Variants in OBSL1 observed in about 807,000 individuals in gnomAD.
OBSL1 encodes obscurin like cytoskeletal adaptor 1, also known as obscurin-like protein 1.
In OBSL1, 160 loss-of-function variants were observed where a neutral mutation model predicts 172.0. That is an observed-to-expected ratio of 0.93 (90% CI 0.82 to 1.06). OBSL1 has a LOEUF of 1.06. Among genes scored for constraint, OBSL1 ranks in the 50% least tolerant of loss-of-function variants. OBSL1 has a pLI of 0.00. For synonymous variants in OBSL1, 1,200 were observed against 1,196.3 expected (o/e 1.00, Z -0.06); for missense variants, 2,681 against 2,715.4 (o/e 0.99, Z 0.28).
chr2:219,548,148 T>A (rs1574506331), downstream of OBSL1: 1 of 1,379,432 alleles, frequency 7.2e-7, no homozygotes, highest in East Asian at 2.5e-5. Context: ...GGGGGCCAAG[T>A]GACTGGGGAG....
At chr2:219,551,308 G>C (rs1695594584) in intron 20 of OBSL1, 27 of 1,412,622 alleles carry the variant, frequency 1.9e-5, no homozygotes, top group Non-Finnish European at 2.5e-5. Context: ...GGCGTAGAAA[G>C]GTGGGAACAG....
intron 6 of OBSL1, among the ~76,000 whole-genome samples, chr2:219,564,090 CAGGCAGGG>C (rs1447808236): frequency 6.6e-6 from 1 of 152,202 alleles, no homozygotes; most frequent in Non-Finnish European, 1.5e-5. Flanking sequence ...TGGGTGCATT[CAGGCAGGG>C]GCCACAGTGT....
chr2:219,570,858 C>T lies in OBSL1; in HGVS notation c.375G>A (p.Glu125=), dbSNP rs374656370. The change falls in exon 1 of 21, where the codon GAG becomes GAA. Residue 125 remains glutamate, a synonymous_variant. Transcript: ENST00000404537. ...GCCCCGTGAGGAAGACCGGGGCGCC[C>T]TCCCCGGACCCCGGCGATGGCAGCG... ...ERPLPSPGSG[E]GAPVFLTGPR... is the part of the protein sequence containing the mutation. 455 of 1,413,566 alleles carry T rather than the reference C, an allele frequency of 3.2e-4. 7 individuals carry two copies. The African/African-American group carries it at 6.0e-3, about 19-fold the overall frequency. The allele number at this position is 1,413,566 out of a possible 1,614,324, so 87.6% of individuals were successfully genotyped here.
intron 14 of OBSL1, chr2:219,555,701 A>C: frequency 1.7e-6 from 2 of 1,156,542 alleles, no homozygotes; most frequent in Non-Finnish European, 1.1e-6. Flanking sequence ...CATCCCTGCT[A>C]CTTAAGTGGG....
rs1553529523 is a variant in OBSL1 at position 219,552,596 on chromosome 2, G to A, written c.5248C>T (p.Arg1750Cys). 1.3e-6 allele frequency: 2 copies of A among 1,584,100 alleles called. No homozygotes were observed. Among genetic ancestry groups the A allele is most frequent in the Non-Finnish European group, 8.5e-7 (1 of 1,171,622 alleles). ...CTVSEVETTG[R>C]WELGGRPLRP... The stretch of plus-strand genomic sequence containing the variant: ...AGCGGGCGGCCTCCGAGCTCCCAGC[G>A]CCCCGTGGTCTCGACCTCCGACACG... Residue 1750 changes from arginine (R) to cysteine (C), a missense_variant, in exon 18 of 21, where the codon CGC becomes TGC. Arg to Cys is a radical substitution (Grantham distance 180, BLOSUM62 -3). This residue lies in a region of OBSL1 where 1,765 missense variants were observed against 1,748.3 expected (regional missense o/e 1.01). Coordinates refer to ENST00000404537, the MANE Select transcript of OBSL1 (RefSeq NM_015311.3).
In OBSL1 at chr2:219,565,278, C is replaced by G; in HGVS notation, c.2371G>C (p.Glu791Gln). Residue 791 changes from glutamate (E) to glutamine (Q), a missense_variant, in exon 6 of 21, where the codon GAA becomes CAA. Transcript: ENST00000404537. ...QDSGEFECRT[E>Q]GVSAFFGVTV... The stretch of plus-strand genomic sequence containing the variant: ...ACGCCGAAGAAGGCCGAGACCCCTT[C>G]TGTCCTGCACTCAAACTCGCCACTG... 5 of 1,613,842 alleles carry G rather than the reference C, an allele frequency of 3.1e-6. No homozygotes were observed. Among genetic ancestry groups the G allele is most frequent in the Non-Finnish European group, 4.2e-6 (5 of 1,179,786 alleles).
Position 219,571,505 on chromosome 2 carries a change from A to G in OBSL1, c.-273T>C. 1 of 259,470 alleles carries G rather than the reference A, an allele frequency of 3.9e-6. No individual in the cohort carries two copies. Among genetic ancestry groups the G allele is most frequent in the Non-Finnish European group, 7.3e-6 (1 of 137,584 alleles). 16.1% of individuals were successfully genotyped at this position (259,470 alleles called of 1,614,324 possible). ...TTGCCTCTCCAGCGAGTGGCCCCGCAGCCTCCCCTGCCCGCTGCCTGGCTT... is the reference window on the plus strand; with the variant it reads ...TTGCCTCTCCAGCGAGTGGCCCCGCGGCCTCCCCTGCCCGCTGCCTGGCTT... On this transcript the variant is annotated 5_prime_UTR_variant, in exon 1 of 21. Coordinates refer to ENST00000404537, the MANE Select transcript of OBSL1 (RefSeq NM_015311.3).
rs1383420677 is a variant in OBSL1, at chr2:219,556,126, A to G, written c.4503T>C (p.Asp1501=). Residue 1501 remains aspartate (D), a synonymous_variant, in exon 14 of 21, where the codon GAT becomes GAC. Transcript: ENST00000404537. The part of the protein sequence containing the change: ...PHDSRLSMAQ[D]GHIHRLFIHG... ...GGATGAAGAGGCGGTGGATGTGCCC[A>G]TCCTGGGCCATGGACAGGCGAGAGT... 19 of 1,613,796 alleles carry G rather than the reference A, an allele frequency of 1.2e-5. No individual in the cohort carries two copies. Among genetic ancestry groups the G allele is most frequent in the African/African-American group, 6.7e-5 (5 of 74,922 alleles).
At chr2:219,557,239 G>T in intron 12 of OBSL1, 104 bp downstream of exon 12, 1 of 1,197,858 alleles carries the variant, frequency 8.3e-7, no homozygotes, top group Non-Finnish European at 1.1e-6. Context: ...ACTGGTTGGA[G>T]CCAGAAGCAG....
At chr2:219,552,354 G>A (rs1695680087) in intron 18 of OBSL1, 138 bp from the exon 19 acceptor site, 3 of 924,070 alleles carry the variant, frequency 3.2e-6, no homozygotes, top group Non-Finnish European at 4.9e-6. Flanking sequence ...GGGATGCGGA[G>A]CGGGAAGCCT....
intron 1 of OBSL1, 94 bp downstream of exon 1, chr2:219,570,127 C>T: frequency 8.6e-7 from 1 of 1,158,538 alleles, no homozygotes; most frequent in East Asian, 2.7e-5. Flanking sequence ...CTCCTCCAGT[C>T]TTGGGGGCAG....
Position 219,570,518 on chromosome 2 carries a change from C to G in OBSL1, c.715G>C (p.Glu239Gln). Residue 239 changes from glutamate (E) to glutamine (Q), a missense_variant, in exon 1 of 21, where the codon GAG (glutamate) becomes CAG (glutamine). By Grantham distance (29) the Glu-to-Gln change is conservative. Coordinates refer to ENST00000404537, the MANE Select transcript of OBSL1 (RefSeq NM_015311.3). ...PPESPPADPD[E>Q]APAPVVEPLK... is the part of the protein sequence containing the mutation. Reference sequence around the variant, plus strand: ...GGCTCCACCACCGGCGCGGGGGCCTCGTCGGGGTCCGCGGGCGGGCTCTCG... The same window carrying G: ...GGCTCCACCACCGGCGCGGGGGCCTGGTCGGGGTCCGCGGGCGGGCTCTCG... 2 of 1,609,718 alleles carry G rather than the reference C, an allele frequency of 1.2e-6. No individual in the cohort carries two copies. The highest frequency in any genetic ancestry group is 1.7e-6 in the Non-Finnish European group (2 of 1,178,522).
At chr2:219,549,244 C>G (rs554998281), downstream of OBSL1, 5 of 1,613,984 alleles carry the variant, frequency 3.1e-6, no homozygotes, top group Non-Finnish European at 4.2e-6. Flanking sequence ...GAGACCTCCT[C>G]GGGCTCCCCT....
At chr2:219,549,908 C>T, downstream of OBSL1, 5 of 1,584,756 alleles carry the variant, frequency 3.2e-6, no homozygotes, top group South Asian at 5.6e-5. Context: ...CTCGAGGAGG[C>T]CTGCTAGGCT....
Position 219,571,274 on chromosome 2 carries a change from A to AGG in OBSL1, c.-44_-43dup, listed in dbSNP as rs747020402. 5.6e-6 allele frequency: 3 copies of AGG among 538,440 alleles called. No individual in the cohort carries two copies. Among genetic ancestry groups the AGG allele is most frequent in the African/African-American group, 4.6e-5 (2 of 43,190 alleles). 33.4% of individuals were successfully genotyped at this position (538,440 alleles called of 1,614,324 possible). A position where few individuals can be genotyped will look rare whatever the true frequency, so the allele number is the denominator to read the frequency against. On this transcript the variant is annotated 5_prime_UTR_variant, in exon 1 of 21. Transcript: ENST00000404537. ...CTGCAGCGGCGAACGGTGGGGGGGC[A>AGG]GGGGGGGGTGCGGAGGGCGAGCCGA...
Position 219,559,494 on chromosome 2 carries a change from G to T in OBSL1, c.2957C>A (p.Pro986His). Residue 986 changes from proline (P) to histidine (H), a missense_variant, in exon 9 of 21, where the codon CCC (proline) becomes CAC (histidine). Pro to His is a moderately conservative substitution (Grantham distance 77). Around this residue, in one of 5 missense-constraint regions of OBSL1, gnomAD observed 1,765 missense variants for 1,748.3 expected, o/e 1.01. Coordinates refer to ENST00000404537, the MANE Select transcript of OBSL1 (RefSeq NM_015311.3). ...SASFTVTVTE[P>H]PVRIIYPRDE... ...GCGAGGGTATATGATCCGCACTGGGGGTTCTGCAGGGTGGGGACAACCACA... is the reference window on the plus strand; with the variant it reads ...GCGAGGGTATATGATCCGCACTGGGTGTTCTGCAGGGTGGGGACAACCACA... 4 of 1,606,256 alleles carry T rather than the reference G, an allele frequency of 2.5e-6. No individual in the cohort carries two copies. The highest frequency in any genetic ancestry group is 3.4e-6 in the Non-Finnish European group (4 of 1,173,450).
intron 12 of OBSL1, chr2:219,557,024 AT>A: frequency 2.1e-6 from 1 of 484,258 alleles, no homozygotes; most frequent in Non-Finnish European, 3.6e-6. Context: ...GAAAAGCACT[AT>A]CCCCTCTTTT....
chr2:219,547,895 A>G, downstream of OBSL1: 1 of 1,596,248 alleles, frequency 6.3e-7, no homozygotes, highest in Non-Finnish European at 8.5e-7. Flanking sequence ...GCTGATCGCC[A>G]CTGCCGCTGA....
In OBSL1 at chr2:219,554,804, A is replaced by G. The variant is rs1007213767; in HGVS notation, c.4610-64T>C. The G allele has an allele frequency of 2.8e-5, 41 of 1,481,040 alleles. 2 individuals carry two copies. In the South Asian group the frequency reaches 3.5e-4, roughly 13 times the overall value. The allele number at this position is 1,481,040 out of a possible 1,614,324, so 91.7% of individuals were successfully genotyped here. A position where few individuals can be genotyped will look rare whatever the true frequency, so the allele number is the denominator to read the frequency against. On this transcript the variant is annotated intron_variant, in intron 14 of 20. Transcript: ENST00000404537. ...CAGCTCTGGGCAGGGGTTGCAGTCA[A>G]TCCTCATCCCTTGGCCCTGCCTACA...
Sources: allele counts gnomAD v4.1 joint callset (sites outside exome capture counted in the v4.1 genomes callset), GRCh38; gene constraint gnomAD v4.1.1; regional missense constraint gnomAD v4.1.1; transcripts MANE v1.5; gene names NCBI Gene and HGNC (gene_info 2026-07-23, HGNC 2026-07-21).